The following TMED3 variants were observed in gnomAD, a reference collection of about 807,000 sequenced individuals.
TMED3 encodes transmembrane p24 trafficking protein 3.
A neutral mutation model predicts 15.0 loss-of-function variants in TMED3; 9 were observed. The observed-to-expected ratio is 0.60, with a 90% confidence interval of 0.36 to 1.04. The LOEUF (loss-of-function observed/expected upper bound fraction) is 1.04. Ranked by LOEUF, TMED3 falls within the 50% of genes least tolerant of loss-of-function variation. The pLI is 0.01. For missense variants in TMED3, 267 were observed against 278.9 expected, an observed-to-expected ratio of 0.96 and a Z score of 0.30; for synonymous variants, 117 against 121.4, an observed-to-expected ratio of 0.96 and a Z score of 0.24.
At chr15:79,318,610 G>A (rs2058750918) in intron 2 of TMED3, among the ~76,000 whole-genome samples, 1 of 152,186 alleles carries the variant, frequency 6.6e-6, no homozygotes, top group African/African-American at 2.4e-5. Context: ...CACTAGGGAG[G>A]CTTCTAGAAA....
At chr15:79,374,618 C>T (rs548803955) in intron 2 of TMED3, among the ~76,000 whole-genome samples, 42 of 152,138 alleles carry the variant, frequency 2.8e-4, no homozygotes, top group African/African-American at 3.6e-4. Context: ...TGGAAACTGA[C>T]GAAATGCAAG....
intron 2 of TMED3, chr15:79,382,917 A>G (rs1893560387): frequency 4.6e-6 from 7 of 1,507,098 alleles, no homozygotes; most frequent in Non-Finnish European, 6.2e-6. Context: ...CTTTATTCCC[A>G]TTGACAAAGT....
chr15:79,382,998 C>T (rs749011924), intron 2 of TMED3: 1 of 1,535,470 alleles, frequency 6.5e-7, no homozygotes, highest in Non-Finnish European at 8.7e-7. Flanking sequence ...ACCAACGCCA[C>T]CACTAAGGGT....
intron 2 of TMED3, among the ~76,000 whole-genome samples, chr15:79,385,864 G>A (rs1396856875): frequency 1.3e-5 from 2 of 152,222 alleles, no homozygotes; most frequent in Non-Finnish European, 2.9e-5. Context: ...CGCAGCCAGT[G>A]TGATAGCAGC....
chr15:79,347,387 T>C (rs1435859690), intron 2 of TMED3, among the ~76,000 whole-genome samples: 2 of 152,088 alleles, frequency 1.3e-5, no homozygotes, highest in African/African-American at 4.8e-5. Context: ...TACCTCAAAA[T>C]AATAAGAGCC....
At chr15:79,323,647 T>C (rs1050827440), downstream of TMED3, among the ~76,000 whole-genome samples, 5 of 152,192 alleles carry the variant, frequency 3.3e-5, no homozygotes, top group African/African-American at 1.2e-4. Flanking sequence ...CTTCACCCTC[T>C]GAGGGAACCA....
intron 2 of TMED3, among the ~76,000 whole-genome samples, chr15:79,378,307 C>G (rs1893464808): frequency 6.6e-6 from 1 of 152,162 alleles, no homozygotes; most frequent in Admixed American, 6.5e-5. Flanking sequence ...AAACAAATCC[C>G]CAATTCCAGT....
intron 2 of TMED3, among the ~76,000 whole-genome samples, chr15:79,354,466 T>C (rs28375175): frequency 0.094 from 14,305 of 152,144 alleles, 720 homozygotes; most frequent in Admixed American, 0.12. Context: ...CCCTCAGCCA[T>C]TGGGCTTGTG....
intron 2 of TMED3, among the ~76,000 whole-genome samples, chr15:79,409,673 T>G (rs143416989): frequency 5.4e-4 from 83 of 152,340 alleles, no homozygotes; most frequent in African/African-American, 1.9e-3. Flanking sequence ...TGTCTGAATG[T>G]TTTCCTCAGC....
At chr15:79,376,037 T>C (rs552827024) in intron 2 of TMED3, among the ~76,000 whole-genome samples, 1 of 151,864 alleles carries the variant, frequency 6.6e-6, no homozygotes, top group African/African-American at 2.4e-5. Flanking sequence ...TGCTTATCAC[T>C]TCCAAGTCAG....
At chr15:79,383,098 G>A in intron 2 of TMED3, 1 of 1,421,332 alleles carries the variant, frequency 7.0e-7, no homozygotes, top group South Asian at 1.2e-5. Context: ...TTTGCCTGTA[G>A]ATCGCCAGGT....
At chr15:79,364,991 C>A (rs551243580) in intron 2 of TMED3, among the ~76,000 whole-genome samples, 60 of 152,222 alleles carry the variant, frequency 3.9e-4, no homozygotes. Context: ...AAGCTGTCTG[C>A]GGATGGCAGG....
chr15:79,384,213 G>A (rs1893589228), intron 2 of TMED3: 1 of 152,250 alleles, frequency 6.6e-6, no homozygotes, highest in African/African-American at 2.4e-5. Context: ...TCGAGGCAGT[G>A]ATTAATACTA....
chr15:79,350,421 T>C (rs1432749491), intron 2 of TMED3, among the ~76,000 whole-genome samples: 1 of 152,148 alleles, frequency 6.6e-6, no homozygotes, highest in African/African-American at 2.4e-5. Context: ...CTTCAGTCTA[T>C]GTCTGAAGGC....
intron 2 of TMED3, among the ~76,000 whole-genome samples, chr15:79,380,837 A>G (rs930036638): frequency 1.3e-5 from 2 of 152,152 alleles, no homozygotes; most frequent in African/African-American, 2.4e-5. Flanking sequence ...CAAATCCTAG[A>G]CAAGCCTATG....
At chr15:79,401,501 C>T (rs1893833410) in intron 2 of TMED3, among the ~76,000 whole-genome samples, 2 of 152,250 alleles carry the variant, frequency 1.3e-5, no homozygotes, top group South Asian at 4.2e-4. Flanking sequence ...TTGGTTGCCA[C>T]ATTGGAGTTG....
chr15:79,411,032 A>G (rs1383690556), intron 2 of TMED3, among the ~76,000 whole-genome samples: 1 of 152,234 alleles, frequency 6.6e-6, no homozygotes, highest in Non-Finnish European at 1.5e-5. Flanking sequence ...ATAATTAGCA[A>G]TAGCAAAGAA....
At chr15:79,368,230 C>G (rs1256588228) in intron 2 of TMED3, among the ~76,000 whole-genome samples, 1 of 152,158 alleles carries the variant, frequency 6.6e-6, no homozygotes, top group East Asian at 1.9e-4. Context: ...TGGAATTTCC[C>G]TTGAAGGAAC....
At chr15:79,318,304 T>C (rs1219048614) in intron 2 of TMED3, among the ~76,000 whole-genome samples, 5 of 152,234 alleles carry the variant, frequency 3.3e-5, no homozygotes, top group African/African-American at 7.2e-5. Context: ...TTGGGAACTT[T>C]CTGAGACCCA....
Sources: gnomAD v4.1 joint callset for allele counts (sites outside exome capture counted in the v4.1 genomes callset) on GRCh38, gnomAD v4.1.1 for gene constraint, MANE v1.5 for transcripts, NCBI Gene and HGNC (gene_info 2026-07-23, HGNC 2026-07-21) for gene names.